The following MYH11 variants were observed in gnomAD, a reference collection of about 807,000 sequenced individuals.
The protein encoded by MYH11 is myosin heavy chain 11.
MYH11 carries 80 observed loss-of-function variants against 246.6 expected under a neutral mutation model. The ratio of observed to expected loss-of-function variants is 0.32; its 90% CI spans 0.27 to 0.39. MYH11 has a LOEUF of 0.39. Among genes scored for constraint, MYH11 ranks in the 10% least tolerant of loss-of-function variants. MYH11 has a pLI of 1.00. For missense variants in MYH11, 2,158 were observed against 2,546.8 expected, an observed-to-expected ratio of 0.85 and a Z score of 3.29; for synonymous variants, 1,071 against 1,015.5, an observed-to-expected ratio of 1.05 and a Z score of -1.04.
chr16:15,748,231 A>T (rs1442510864), intron 16 of MYH11, 63 bp from the exon 17 acceptor site: 2 of 1,605,948 alleles, frequency 1.2e-6, no homozygotes, highest in Non-Finnish European at 1.7e-6. Context: ...GCAAAGCCCC[A>T]AACCTCCTAC....
intron 16 of MYH11, chr16:15,749,800 AT>A: frequency 2.2e-6 from 1 of 450,514 alleles, no homozygotes; most frequent in Admixed American, 3.7e-5. Context: ...CCTGCACCAG[AT>A]TATGAGAAAC....
At chr16:15,769,988 A>G (rs1280230959) in intron 9 of MYH11, among the ~76,000 whole-genome samples, 1 of 152,202 alleles carries the variant, frequency 6.6e-6, no homozygotes. Context: ...ATTTAAATAA[A>G]ACTATACTGA....
chr16:15,758,159 G>A (rs2041780446), intron 12 of MYH11, among the ~76,000 whole-genome samples, 159 bp from the exon 13 acceptor site: 1 of 152,138 alleles, frequency 6.6e-6, no homozygotes, highest in Non-Finnish European at 1.5e-5. Flanking sequence ...AAAACATGCT[G>A]CCTAGAGTCC....
In MYH11 at chr16:15,704,574, C is replaced by T. The variant is rs142777165; in HGVS notation, c.5787-451G>A. Among the ~76,000 whole-genome samples, 375 of 152,310 alleles carry T rather than the reference C, an allele frequency of 2.5e-3. 3 individuals are homozygous for T. Among genetic ancestry groups the T allele is most frequent in the African/African-American group, 8.3e-3 (343 of 41,568 alleles). ...ACATACTGTTTTTCTTCTGTATCTC[C>T]TCACCCCCATTCGCCTTAGAGGTGA... On this transcript the variant is annotated intron_variant, in intron 40 of 40. Coordinates refer to ENST00000300036, the MANE Select transcript of MYH11 (RefSeq NM_002474.3).
intron 3 of MYH11, among the ~76,000 whole-genome samples, chr16:15,806,453 A>G (rs1886103391): frequency 6.6e-6 from 1 of 152,128 alleles, no homozygotes; most frequent in Non-Finnish European, 1.5e-5. Flanking sequence ...TGACAAAAAA[A>G]TGTGCACAAG....
intron 15 of MYH11, among the ~76,000 whole-genome samples, chr16:15,753,035 A>T (rs895658110): frequency 6.6e-6 from 1 of 152,172 alleles, no homozygotes; most frequent in Non-Finnish European, 1.5e-5. Flanking sequence ...AATGACATCA[A>T]GTGACTCATC....
At chr16:15,836,462 C>T (rs1386369659) in intron 2 of MYH11, among the ~76,000 whole-genome samples, 2 of 152,136 alleles carry the variant, frequency 1.3e-5, no homozygotes, top group African/African-American at 2.4e-5. Context: ...TACAATAACG[C>T]GATTTTGGCT....
At chr16:15,763,738 A>AGCTCGGGGGGCCCC in intron 10 of MYH11, 58 bp downstream of exon 10, 1 of 717,694 alleles carries the variant, frequency 1.4e-6, no homozygotes, top group Admixed American at 1.8e-5. Flanking sequence ...GTTAAATGTC[A>AGCTCGGGGGGCCCC]CCTCCCCCAC....
intron 28 of MYH11, chr16:15,725,929 T>C: frequency 2.7e-6 from 1 of 371,764 alleles, no homozygotes; most frequent in Non-Finnish European, 4.8e-6. Flanking sequence ...GGGTACAAGC[T>C]CCCCCTCCAA....
At chr16:15,744,710 C>T (rs2041369485) in intron 20 of MYH11, among the ~76,000 whole-genome samples, 2 of 151,628 alleles carry the variant, frequency 1.3e-5, no homozygotes, top group Non-Finnish European at 2.9e-5. Context: ...GCCATGTTGG[C>T]CAGGCTGGTT....
At chr16:15,709,640 G>A (rs1023458432) in intron 40 of MYH11, among the ~76,000 whole-genome samples, 3 of 152,156 alleles carry the variant, frequency 2.0e-5, no homozygotes, top group Non-Finnish European at 2.9e-5. Flanking sequence ...AAAGGAAAAT[G>A]TCTGTCCTTT....
intron 1 of MYH11, among the ~76,000 whole-genome samples, chr16:15,853,655 T>G (rs907836478): frequency 1.3e-5 from 2 of 152,148 alleles, no homozygotes; most frequent in African/African-American, 4.8e-5. Context: ...TGGCCAGGGT[T>G]AAAAGTTGAA....
intron 35 of MYH11, 21 bp downstream of exon 35, chr16:15,719,564 C>T (rs749637772): frequency 1.9e-6 from 3 of 1,613,678 alleles, no homozygotes; most frequent in Admixed American, 1.7e-5. Flanking sequence ...CTGAGGCTCT[C>T]CTAGCAAGGC....
intron 3 of MYH11, 152 bp downstream of exon 3, chr16:15,823,103 G>T (rs1473169204): frequency 1.8e-6 from 2 of 1,137,984 alleles, no homozygotes; most frequent in African/African-American, 3.1e-5. Context: ...TGCAAACACA[G>T]ATGTTCCTTT....
chr16:15,848,383 G>A (rs540389340), intron 1 of MYH11, among the ~76,000 whole-genome samples: 11 of 151,992 alleles, frequency 7.2e-5, no homozygotes, highest in Admixed American at 2.0e-4. Flanking sequence ...ACAGGCATGC[G>A]CTACCATGCC....
chr16:15,763,922 A>G (rs1365021810), intron 9 of MYH11, 31 bp from the exon 10 acceptor site: 1 of 1,572,656 alleles, frequency 6.4e-7, no homozygotes, highest in African/African-American at 1.4e-5. Context: ...CAGAGCAGAC[A>G]CAAAGGTCAA....
rs751716152 is a variant in MYH11, at chr16:15,823,400, G to A, written c.357C>T (p.Gly119=). 9.3e-6 allele frequency: 15 copies of A among 1,614,048 alleles called. No homozygotes were observed. The East Asian group carries it at 1.8e-4, about 19-fold the overall frequency. The change falls in exon 3 of 41, where the codon GGC becomes GGT. Residue 119 remains glycine (G), a synonymous_variant. Coordinates refer to ENST00000300036, the MANE Select transcript of MYH11 (RefSeq NM_002474.3). The part of the protein sequence containing the change: ...YFSGLIYTYS[G]LFCVVVNPYK... ...AGGGGTTGACCACCACGCAGAAGAG[G>A]CCAGAGTACGTCTGCAGACAGAGAA... is the stretch of plus-strand genomic sequence containing the variant.
rs1267609627 is a variant in MYH11 at position 15,750,760 on chromosome 16, C to A, written c.1865-429G>T. On this transcript the variant is annotated intron_variant, in intron 15 of 40. Coordinates refer to ENST00000300036, the MANE Select transcript of MYH11 (RefSeq NM_002474.3). The surrounding 1 kb of genome is among the most constrained non-coding windows in gnomAD (Gnocchi z 4.3). ...TCCACCAACAAATAGTTATTGAGGA[C>A]CTTCTGTGCTCCAGGCCCTGGGGAC... Among the ~76,000 whole-genome samples the A allele has an allele frequency of 6.6e-6, 1 of 151,984 alleles. No individual in the cohort carries two copies. Among genetic ancestry groups the A allele is most frequent in the East Asian group, 1.9e-4 (1 of 5,182 alleles).
At chr16:15,721,704 G>T in intron 31 of MYH11, 70 bp from the exon 32 acceptor site, 1 of 1,537,756 alleles carries the variant, frequency 6.5e-7, no homozygotes, top group Non-Finnish European at 9.0e-7. Context: ...GTAAATACCG[G>T]GGGAAGCCCT....
Sources: allele counts gnomAD v4.1 joint callset (sites outside exome capture counted in the v4.1 genomes callset), GRCh38; gene constraint gnomAD v4.1.1; non-coding constraint Gnocchi (gnomAD v3.1); transcripts MANE v1.5; gene names NCBI Gene and HGNC (gene_info 2026-07-23, HGNC 2026-07-21).